CDK14: variants seen among roughly 807,000 people sequenced by gnomAD.
The protein encoded by CDK14 is cyclin-dependent kinase 14.
A neutral mutation model predicts 60.7 loss-of-function variants in CDK14; 34 were observed. That is an observed-to-expected ratio of 0.56 (90% confidence interval 0.43 to 0.75). The LOEUF (loss-of-function observed/expected upper bound fraction) is 0.75. CDK14 is among the 30% of genes least tolerant of loss of function. The pLI, the probability that CDK14 is intolerant of heterozygous loss-of-function variation, is 0.00. For synonymous variants in CDK14, 197 were observed against 203.7 expected (o/e 0.97, Z 0.28); for missense variants, 482 against 564.1 (o/e 0.85, Z 1.47).
At chr7:90,706,848 G>A (rs754549637) in intron 2 of CDK14, among the ~76,000 whole-genome samples, 11 of 152,136 alleles carry the variant, frequency 7.2e-5, no homozygotes, top group Non-Finnish European at 1.3e-4. Flanking sequence ...AGTCCTTCCC[G>A]TCCAGGTCTC....
intron 14 of CDK14, among the ~76,000 whole-genome samples, chr7:91,124,261 G>C (rs1204486077): frequency 2.0e-5 from 3 of 151,992 alleles, no homozygotes; most frequent in African/African-American, 7.2e-5. Flanking sequence ...AAGAATTCCT[G>C]ATACCCTTCA....
Position 90,786,686 on chromosome 7 carries a change from G to A in CDK14, c.465-3887G>A, listed in dbSNP as rs146006117. Among the ~76,000 whole-genome samples, 734 of 152,124 alleles carry A rather than the reference G, an allele frequency of 4.8e-3. 3 individuals carry two copies. The highest frequency in any genetic ancestry group is 0.016 in the African/African-American group (662 of 41,504). ...AATCCCAGCACTTTAGGAGGGTGAGGCAAGAGGATCACTTGAGCCCAGGAG... is the reference window on the plus strand; with the variant it reads ...AATCCCAGCACTTTAGGAGGGTGAGACAAGAGGATCACTTGAGCCCAGGAG... On this transcript the variant is annotated intron_variant, in intron 4 of 14. Coordinates refer to ENST00000380050, the MANE Select transcript of CDK14 (RefSeq NM_001287135.2).
At chr7:90,965,459 G>C (rs1484638220) in intron 9 of CDK14, among the ~76,000 whole-genome samples, 1 of 152,202 alleles carries the variant, frequency 6.6e-6, no homozygotes, top group Non-Finnish European at 1.5e-5. Context: ...CATAGCACTA[G>C]TTGTCAGTAG....
intron 10 of CDK14, among the ~76,000 whole-genome samples, chr7:91,027,762 CT>C (rs1796615350): frequency 2.0e-5 from 1 of 49,736 alleles, no homozygotes; most frequent in African/African-American, 7.9e-5. Context: ...ATCTGGGCCT[CT>C]CCTCTCCCCT....
At chr7:91,175,401 T>A (rs1433686785) in intron 14 of CDK14, among the ~76,000 whole-genome samples, 5 of 151,462 alleles carry the variant, frequency 3.3e-5, no homozygotes, top group African/African-American at 1.2e-4. Flanking sequence ...CTGCATCAAC[T>A]AACGAGCAAA....
Position 90,602,840 on chromosome 7 carries a change from C to T in CDK14, c.92-1378C>T, listed in dbSNP as rs1430673672. ...GGGAAAAATAAGAAACTTTTAGAAA[C>T]GTTTTATTTCCCTCAGCCTACCTGC... On this transcript the variant is annotated intron_variant, in intron 1 of 14. Transcript: ENST00000380050. Among the ~76,000 whole-genome samples, 11 of 152,210 alleles carry T rather than the reference C, an allele frequency of 7.2e-5. No individual in the cohort carries two copies. In the South Asian group the frequency reaches 1.5e-3, roughly 20 times the overall value.
At chr7:91,098,264 C>T (rs564468562) in intron 12 of CDK14, among the ~76,000 whole-genome samples, 1 of 152,250 alleles carries the variant, frequency 6.6e-6, no homozygotes, top group South Asian at 2.1e-4. Flanking sequence ...AACCCATGAC[C>T]TCCGACCTAA....
At position 90,765,644 on chromosome 7, in the gene CDK14, G is replaced by A. The variant is rs571347315; in HGVS notation, c.464+17869G>A. On this transcript the variant is annotated intron_variant, in intron 4 of 14. Transcript: ENST00000380050. ...GAATGTTAAGGGACTGGTGGGGATG[G>A]ATACTAATTATTTTGTGTTGAAGAG... is the stretch of plus-strand genomic sequence containing the variant. 8.6e-5 allele frequency among the ~76,000 whole-genome samples: 13 copies of A among 151,466 alleles called. No homozygotes were observed. In the South Asian group the frequency reaches 2.5e-3, roughly 29 times the overall value.
chr7:90,893,465 C>T (rs1465138467), intron 6 of CDK14, among the ~76,000 whole-genome samples: 4 of 152,178 alleles, frequency 2.6e-5, no homozygotes, highest in African/African-American at 9.7e-5. Context: ...TATGTCATCA[C>T]AGGAGAGTGA....
intron 2 of CDK14, among the ~76,000 whole-genome samples, chr7:90,619,265 G>T (rs1008623619): frequency 6.6e-6 from 1 of 152,152 alleles, no homozygotes; most frequent in Non-Finnish European, 1.5e-5. Flanking sequence ...GCACAATATT[G>T]ATTGAATGAT....
intron 2 of CDK14, among the ~76,000 whole-genome samples, chr7:90,695,379 A>G (rs1055654165): frequency 2.6e-5 from 4 of 152,230 alleles, no homozygotes; most frequent in African/African-American, 9.7e-5. Context: ...ATTGAAATGT[A>G]TATTCTCTAC....
chr7:91,060,722 T>C (rs1031461213), intron 11 of CDK14, among the ~76,000 whole-genome samples: 1 of 152,252 alleles, frequency 6.6e-6, no homozygotes, highest in African/African-American at 2.4e-5. Flanking sequence ...ATGTTGAACA[T>C]TGGCCCCCAC....
chr7:90,859,560 T>C (rs1458230801), intron 5 of CDK14, among the ~76,000 whole-genome samples: 1 of 152,228 alleles, frequency 6.6e-6, no homozygotes, highest in African/African-American at 2.4e-5. Flanking sequence ...TTTTATTTTT[T>C]AAAAGACTTT....
chr7:90,763,432 A>G (rs1335623872), intron 4 of CDK14, among the ~76,000 whole-genome samples: 1 of 152,124 alleles, frequency 6.6e-6, no homozygotes, highest in Non-Finnish European at 1.5e-5. Context: ...ACACCTCTCA[A>G]TGAGGAGTGT....
intron 2 of CDK14, among the ~76,000 whole-genome samples, chr7:90,644,451 G>C (rs1800416473): frequency 6.6e-6 from 1 of 152,160 alleles, no homozygotes; most frequent in Non-Finnish European, 1.5e-5. Flanking sequence ...CCGGGAAGGT[G>C]AATCTGTGGA....
intron 2 of CDK14, among the ~76,000 whole-genome samples, chr7:90,705,803 A>G (rs1801885353): frequency 6.6e-6 from 1 of 151,706 alleles, no homozygotes. Context: ...AAGCAGAAGA[A>G]CACTTAGATG....
intron 11 of CDK14, among the ~76,000 whole-genome samples, chr7:91,059,487 T>G (rs948223834): frequency 2.6e-5 from 4 of 152,196 alleles, no homozygotes; most frequent in African/African-American, 9.7e-5. Flanking sequence ...GTTCTTTTAA[T>G]TGTGATGTTA....
At chr7:90,601,670 C>T (rs1799315371) in intron 1 of CDK14, among the ~76,000 whole-genome samples, 1 of 152,164 alleles carries the variant, frequency 6.6e-6, no homozygotes, top group South Asian at 2.1e-4. Flanking sequence ...TTTGGTTGTT[C>T]AAGGAATTCC....
chr7:91,002,803 G>T (rs1444999477), intron 10 of CDK14, among the ~76,000 whole-genome samples: 2 of 152,166 alleles, frequency 1.3e-5, no homozygotes, highest in East Asian at 3.8e-4. Flanking sequence ...GCCGGGCCCG[G>T]TGGTTCACAG....
Sources: gnomAD v4.1 joint callset for allele counts (sites outside exome capture counted in the v4.1 genomes callset) on GRCh38, gnomAD v4.1.1 for gene constraint, MANE v1.5 for transcripts, NCBI Gene and HGNC (gene_info 2026-07-23, HGNC 2026-07-21) for gene names.